Variants in RASGRF1 observed in about 807,000 individuals in gnomAD.
RASGRF1 encodes Ras protein specific guanine nucleotide releasing factor 1, also known as ras-specific guanine nucleotide-releasing factor 1.
RASGRF1 carries 40 observed loss-of-function variants against 138.7 expected under a neutral mutation model. The observed-to-expected ratio is 0.29, with a 90% CI of 0.22 to 0.38. The LOEUF (loss-of-function observed/expected upper bound fraction) is 0.38. RASGRF1 is among the 10% of genes least tolerant of loss of function. RASGRF1 has a pLI of 1.00. For missense variants in RASGRF1, 1,108 were observed against 1,650.4 expected (o/e 0.67, Z 5.69); for synonymous variants, 614 against 663.2 (o/e 0.93, Z 1.14).
In RASGRF1 at chr15:78,995,746, C is replaced by T. The variant is rs367800761; in HGVS notation, c.3021G>A (p.Thr1007=). ...GDNQITLEEI[T]QMAEGVKAEP... ...GAGGGCAGGCCCAGCTCACCATCTG[C>T]GTGATCTCCTCCAGCGTGATCTGGT... is the stretch of plus-strand genomic sequence containing the variant. Residue 1007 remains threonine (T), a synonymous_variant, in exon 20 of 27, where the codon ACG becomes ACA. Transcript: ENST00000558480. 88 of 1,614,066 alleles carry T rather than the reference C, an allele frequency of 5.5e-5. No individual in the cohort carries two copies. The highest frequency in any genetic ancestry group is 6.9e-5 in the Non-Finnish European group (81 of 1,180,032).
At chr15:79,039,003 T>C (rs544039994) in intron 5 of RASGRF1, among the ~76,000 whole-genome samples, 1 of 152,236 alleles carries the variant, frequency 6.6e-6, no homozygotes, top group Non-Finnish European at 1.5e-5. Flanking sequence ...TACCAGCTTT[T>C]TACTAGGCTG....
At chr15:79,024,964 C>CCACA (rs892637544) in intron 10 of RASGRF1, among the ~76,000 whole-genome samples, 75 of 151,878 alleles carry the variant, frequency 4.9e-4, no homozygotes, top group Middle Eastern at 3.4e-3. Context: ...CACAAAAACA[C>CCACA]CACACATACA....
intron 24 of RASGRF1, among the ~76,000 whole-genome samples, chr15:78,976,189 T>C (rs986201549): frequency 1.3e-5 from 2 of 152,056 alleles, no homozygotes; most frequent in African/African-American, 2.4e-5. Context: ...TGGGGAGTCA[T>C]GGTTCAGCTG....
chr15:79,084,695 C>T (rs759096020), intron 1 of RASGRF1, among the ~76,000 whole-genome samples: 19 of 152,182 alleles, frequency 1.2e-4, no homozygotes, highest in Admixed American at 2.6e-4. Flanking sequence ...CTTTTCTGCC[C>T]TTGGGCTTCT....
chr15:79,017,922 C>T lies in RASGRF1; in HGVS notation c.1607-16G>A. 3 of 1,612,048 alleles carry T rather than the reference C, an allele frequency of 1.9e-6. No homozygotes were observed. Among genetic ancestry groups the T allele is most frequent in the Non-Finnish European group, 2.5e-6 (3 of 1,179,248 alleles). ...GATCCTTTGGCTTCCAGTTGTAAAA[C>T]ATAAAGTTAGCAGCATGAATGTGGA... On this transcript the variant is annotated splice_polypyrimidine_tract_variant and intron_variant, in intron 11 of 26. Transcript: ENST00000558480.
chr15:78,964,368 T>A (rs1344712418), intron 26 of RASGRF1, among the ~76,000 whole-genome samples: 1 of 152,044 alleles, frequency 6.6e-6, no homozygotes, highest in East Asian at 1.9e-4. Flanking sequence ...AAAGACAGGG[T>A]TTCACCATGT....
chr15:79,069,153 G>T (rs980303408), intron 1 of RASGRF1, among the ~76,000 whole-genome samples: 1 of 152,134 alleles, frequency 6.6e-6, no homozygotes, highest in African/African-American at 2.4e-5. Flanking sequence ...GGAAACTCTA[G>T]AACCCTGCAC....
At position 79,064,522 on chromosome 15, in the gene RASGRF1, T is replaced by A. The variant is rs780344376; in HGVS notation, c.281A>T (p.Tyr94Phe). Residue 94 changes from tyrosine (Y) to phenylalanine (F), a missense_variant, in exon 2 of 27, where the codon TAC (tyrosine) becomes TTC (phenylalanine). Tyr to Phe is a conservative substitution (Grantham distance 22). Coordinates refer to ENST00000558480, the MANE Select transcript of RASGRF1 (RefSeq NM_001145648.3). ...SAKEPLEKQH[Y>F]FTVNFSHENQ... The stretch of plus-strand genomic sequence containing the variant: ...CTCATGGCTGAAGTTCACCGTGAAG[T>A]AATGCTGTATCAAGAAGAAGACATC... The A allele has an allele frequency of 1.2e-6, 2 of 1,613,792 alleles. No homozygotes were observed. The highest frequency in any genetic ancestry group is 2.2e-5 in the South Asian group (2 of 91,068).
At chr15:79,066,285 GC>G (rs2057679382) in intron 1 of RASGRF1, among the ~76,000 whole-genome samples, 1 of 152,154 alleles carries the variant, frequency 6.6e-6, no homozygotes, top group Non-Finnish European at 1.5e-5. Context: ...CTTGCCTAAG[GC>G]CAAACAGCGG....
chr15:79,051,742 C>A (rs142672104), intron 3 of RASGRF1, among the ~76,000 whole-genome samples: 6 of 152,328 alleles, frequency 3.9e-5, no homozygotes, highest in African/African-American at 1.2e-4. Flanking sequence ...CAGGCACCAT[C>A]CTACATGCGC....
At chr15:79,004,664 G>A (rs1049255951) in intron 14 of RASGRF1, 2 of 986,770 alleles carry the variant, frequency 2.0e-6, no homozygotes, top group African/African-American at 1.7e-5. Context: ...TTTGGGGCTT[G>A]AGCGGCCCTA....
At chr15:79,013,273 G>A (rs1427767569) in intron 13 of RASGRF1, among the ~76,000 whole-genome samples, 1 of 152,206 alleles carries the variant, frequency 6.6e-6, no homozygotes, top group Non-Finnish European at 1.5e-5. Context: ...CTGGGGACCA[G>A]GGCTGTTGCC....
chr15:79,057,531 G>A (rs2141046755), intron 3 of RASGRF1, among the ~76,000 whole-genome samples: 1 of 152,340 alleles, frequency 6.6e-6, no homozygotes, highest in Middle Eastern at 3.4e-3. Context: ...TGTATGATAT[G>A]GCCAGATGGT....
chr15:78,982,861 G>C (rs1323751454), intron 23 of RASGRF1, among the ~76,000 whole-genome samples: 2 of 152,108 alleles, frequency 1.3e-5, no homozygotes, highest in Non-Finnish European at 2.9e-5. Flanking sequence ...GTATGGAAGA[G>C]TATCATCATC....
chr15:78,997,736 C>CAAAAAAAA, intron 19 of RASGRF1, among the ~76,000 whole-genome samples: 1 of 112,380 alleles, frequency 8.9e-6, no homozygotes, highest in South Asian at 3.1e-4. Context: ...GACTTCGCCT[C>CAAAAAAAA]AAAAAAAAAA....
At chr15:79,018,508 A>G (rs970853879) in intron 11 of RASGRF1, among the ~76,000 whole-genome samples, 45 of 152,314 alleles carry the variant, frequency 3.0e-4, no homozygotes, top group Non-Finnish European at 5.4e-4. Context: ...ATGCACTCAC[A>G]TTAATTAGGG....
intron 2 of RASGRF1, among the ~76,000 whole-genome samples, chr15:79,062,183 C>T (rs138140777): frequency 5.3e-5 from 8 of 152,322 alleles, no homozygotes; most frequent in South Asian, 2.1e-4. Context: ...GTTATCAGCA[C>T]GTAAAAGTTA....
At chr15:79,039,336 A>G (rs2057265709) in intron 5 of RASGRF1, among the ~76,000 whole-genome samples, 1 of 149,450 alleles carries the variant, frequency 6.7e-6, no homozygotes, top group African/African-American at 2.4e-5. Context: ...AAATTCTAAT[A>G]TATGCTTAAG....
Position 79,032,371 on chromosome 15 carries a change from C to A in RASGRF1, c.959-55G>T. 6.4e-7 allele frequency: 1 copy of A among 1,551,464 alleles called. No homozygotes were observed. Among genetic ancestry groups the A allele is most frequent in the Middle Eastern group, 1.7e-4 (1 of 5,816 alleles). ...TAGGGCAGCTTGGTGGGGACAGAAT[C>A]CCCTAGGCCCTTGGCTCCCCCAGCT... On this transcript the variant is annotated intron_variant, in intron 6 of 26. Coordinates refer to ENST00000558480, the MANE Select transcript of RASGRF1 (RefSeq NM_001145648.3). This position sits in a 1 kb window ranked among gnomAD's most constrained non-coding sequence, Gnocchi z 4.5.
Sources: allele counts gnomAD v4.1 joint callset (sites outside exome capture counted in the v4.1 genomes callset), GRCh38; gene constraint gnomAD v4.1.1; non-coding constraint Gnocchi (gnomAD v3.1); transcripts MANE v1.5; gene names NCBI Gene and HGNC (gene_info 2026-07-23, HGNC 2026-07-21).